The following PLXNC1 variants were observed in gnomAD, a reference collection of about 807,000 sequenced individuals.
PLXNC1 encodes plexin-C1.
A neutral mutation model predicts 178.2 loss-of-function variants in PLXNC1; 75 were observed. The observed-to-expected ratio is 0.42, with a 90% confidence interval of 0.35 to 0.51. PLXNC1 has a LOEUF of 0.51. Ranked by LOEUF, PLXNC1 falls within the 20% of genes least tolerant of loss-of-function variation. PLXNC1 has a pLI of 0.02. For missense variants in PLXNC1, 1,503 were observed against 1,984.4 expected, an observed-to-expected ratio of 0.76 and a Z score of 4.61; for synonymous variants, 790 against 779.9, an observed-to-expected ratio of 1.01 and a Z score of -0.22.
chr12:94,265,503 C>T (rs185110684), intron 21 of PLXNC1, among the ~76,000 whole-genome samples: 51 of 152,228 alleles, frequency 3.4e-4, no homozygotes, highest in Non-Finnish European at 5.7e-4. Context: ...CTTTCAGTGT[C>T]GTCAAAGGAA....
intron 21 of PLXNC1, among the ~76,000 whole-genome samples, chr12:94,273,058 A>T (rs1239279846): frequency 6.6e-6 from 1 of 152,166 alleles, no homozygotes; most frequent in Non-Finnish European, 1.5e-5. Context: ...ACATGCTTCT[A>T]AATCTCTCTG....
chr12:94,256,960 A>T (rs1489213723), intron 17 of PLXNC1, among the ~76,000 whole-genome samples: 1 of 152,180 alleles, frequency 6.6e-6, no homozygotes, highest in Non-Finnish European at 1.5e-5. Flanking sequence ...ATCTTGAAAA[A>T]CAACTGGGAA....
At chr12:94,284,828 T>G (rs1966729391) in intron 23 of PLXNC1, among the ~76,000 whole-genome samples, 1 of 152,148 alleles carries the variant, frequency 6.6e-6, no homozygotes, top group African/African-American at 2.4e-5. Context: ...GTTCTGAGTC[T>G]TATCCCAAGA....
intron 4 of PLXNC1, among the ~76,000 whole-genome samples, chr12:94,200,082 C>T (rs1963065101): frequency 6.6e-6 from 1 of 152,230 alleles, no homozygotes; most frequent in Non-Finnish European, 1.5e-5. Flanking sequence ...CGTGAGCCAC[C>T]ATGCCCAGCC....
intron 1 of PLXNC1, among the ~76,000 whole-genome samples, chr12:94,164,415 C>T (rs950878761): frequency 3.5e-5 from 5 of 143,512 alleles, no homozygotes; most frequent in Non-Finnish European, 3.0e-5. Context: ...CCGATGATGC[C>T]GCAAAAGCTG....
At chr12:94,194,198 CG>C (rs1178595718) in intron 4 of PLXNC1, among the ~76,000 whole-genome samples, 1 of 152,060 alleles carries the variant, frequency 6.6e-6, no homozygotes, top group Admixed American at 6.6e-5. Flanking sequence ...CTCACCATCA[CG>C]AAAACAGCAC....
rs968105838 is a variant in PLXNC1 at position 94,203,560 on chromosome 12, C to T, written c.1440-6030C>T. Among the ~76,000 whole-genome samples, 9 of 152,250 alleles carry T rather than the reference C, an allele frequency of 5.9e-5. 1 individual carries two copies. The highest frequency in any genetic ancestry group is 1.3e-4 in the Admixed American group (2 of 15,302). On this transcript the variant is annotated intron_variant, in intron 4 of 30. Coordinates refer to ENST00000258526, the MANE Select transcript of PLXNC1 (RefSeq NM_005761.3). Reference sequence around the variant, plus strand: ...GCTATTATGCTGGCATTTGTGATGTCGCTGCCCTGGAAGCCTTCAAAATTT... The same window carrying T: ...GCTATTATGCTGGCATTTGTGATGTTGCTGCCCTGGAAGCCTTCAAAATTT...
intron 21 of PLXNC1, chr12:94,277,783 A>G (rs902784554): frequency 7.7e-5 from 28 of 364,638 alleles, no homozygotes; most frequent in African/African-American, 3.8e-4. Flanking sequence ...TATTGCCGAT[A>G]CTATCATCAA....
intron 18 of PLXNC1, 28 bp downstream of exon 18, chr12:94,259,403 C>A: frequency 6.5e-7 from 1 of 1,541,392 alleles, no homozygotes; most frequent in Non-Finnish European, 8.8e-7. Context: ...CATTTTTAGC[C>A]CAGTGACTGC....
chr12:94,203,532 C>T (rs1214351949), intron 4 of PLXNC1, among the ~76,000 whole-genome samples: 1 of 152,210 alleles, frequency 6.6e-6, no homozygotes, highest in African/African-American at 2.4e-5. Flanking sequence ...GAAGAATCTA[C>T]TTGCTATTAT....
intron 10 of PLXNC1, among the ~76,000 whole-genome samples, chr12:94,238,124 C>T (rs1414704739): frequency 3.3e-5 from 5 of 152,122 alleles, no homozygotes; most frequent in Admixed American, 3.3e-4. Flanking sequence ...AAACATCATT[C>T]TTTAGGTGAT....
chr12:94,149,108 T>C lies in PLXNC1; in HGVS notation c.137T>C (p.Ile46Thr). ...CCCGTGTGGCGGTCGGAGCAAGCCATCGGAGCCATCGCGGCGAGCCAGGAG... is the reference window on the plus strand; with the variant it reads ...CCCGTGTGGCGGTCGGAGCAAGCCACCGGAGCCATCGCGGCGAGCCAGGAG... ...DEPVWRSEQA[I>T]GAIAASQEDG... Residue 46 changes from isoleucine (I) to threonine (T), a missense_variant, in exon 1 of 31, where the codon ATC becomes ACC. Physicochemically the swap from Ile to Thr is moderately conservative, Grantham distance 89. Around this residue, in one of 4 missense-constraint regions of PLXNC1, gnomAD observed 176 missense variants for 180.7 expected, o/e 0.97. Transcript: ENST00000258526. The C allele has an allele frequency of 6.3e-7, 1 of 1,585,726 alleles. No homozygotes were observed. The highest frequency in any genetic ancestry group is 8.5e-7 in the Non-Finnish European group (1 of 1,171,880).
rs190723534 is a variant in PLXNC1, at chr12:94,225,824, G to A, written c.1791-781G>A. Among the ~76,000 whole-genome samples the A allele has an allele frequency of 2.8e-4, 42 of 152,342 alleles. 2 individuals carry two copies. The highest frequency in any genetic ancestry group is 2.4e-3 in the Admixed American group (37 of 15,302). ...CCGTGTCTAGCTCACTTAGGTGGCC[G>A]GATCCACGCAAAAGCCAGTGTGTCC... On this transcript the variant is annotated intron_variant, in intron 7 of 30. Coordinates refer to ENST00000258526, the MANE Select transcript of PLXNC1 (RefSeq NM_005761.3).
Position 94,279,722 on chromosome 12 carries a change from C to A in PLXNC1, c.3775+73C>A, listed in dbSNP as rs186159285. ...CTCCCTGCCTGCCCTCCCTCCCTGT[C>A]CCCCCTCCCTGCCCCCACCAGCTTC... On this transcript the variant is annotated intron_variant, in intron 22 of 30. Coordinates refer to ENST00000258526, the MANE Select transcript of PLXNC1 (RefSeq NM_005761.3). 451 of 1,274,558 alleles carry A rather than the reference C, an allele frequency of 3.5e-4. 4 individuals carry two copies. The African/African-American group carries it at 8.4e-3, about 24-fold the overall frequency. 79.0% of individuals were successfully genotyped at this position (1,274,558 alleles called of 1,614,324 possible).
chr12:94,304,120 C>G (rs1439985679), intron 30 of PLXNC1, 69 bp downstream of exon 30: 7 of 1,017,702 alleles, frequency 6.9e-6, no homozygotes, highest in African/African-American at 1.6e-5. Flanking sequence ...AGCATTCTGT[C>G]AGTTTCAGAA....
Position 94,260,985 on chromosome 12 carries a change from CAGAG to C in PLXNC1, c.3450+150_3450+153del, listed in dbSNP as rs368037564. The stretch of plus-strand genomic sequence containing the variant: ...GTTTCGTCTTGGTCCTGACCCAGAA[CAGAG>C]AGAGGGAAAGTAAACATTGTTTTTG... On this transcript the variant is annotated intron_variant, in intron 20 of 30. Transcript: ENST00000258526. The surrounding 1 kb of genome is among the most constrained non-coding windows in gnomAD (Gnocchi z 4.4). The C allele has an allele frequency of 1.6e-4, 116 of 706,744 alleles. No homozygotes were observed. In the African/African-American group the frequency reaches 1.9e-3, roughly 12 times the overall value. 43.8% of individuals were successfully genotyped at this position (706,744 alleles called of 1,614,324 possible).
chr12:94,181,241 A>T (rs954414953), intron 2 of PLXNC1, among the ~76,000 whole-genome samples: 26 of 151,986 alleles, frequency 1.7e-4, no homozygotes, highest in African/African-American at 5.3e-4. Context: ...CTACTAAAAA[A>T]AATTAGCTGG....
intron 15 of PLXNC1, 22 bp downstream of exon 15, chr12:94,251,550 G>C (rs1565831466): frequency 6.8e-7 from 1 of 1,477,516 alleles, no homozygotes; most frequent in Non-Finnish European, 9.5e-7. Context: ...GTTTAATTTT[G>C]TCAGAGAAAT....
At chr12:94,245,315 G>T (rs1964496684) in intron 12 of PLXNC1, among the ~76,000 whole-genome samples, 1 of 152,174 alleles carries the variant, frequency 6.6e-6, no homozygotes, top group Admixed American at 6.5e-5. Context: ...ACATTTTGCT[G>T]GGTGCAGGGA....
Sources: allele counts gnomAD v4.1 joint callset (sites outside exome capture counted in the v4.1 genomes callset), GRCh38; gene constraint gnomAD v4.1.1; regional missense constraint gnomAD v4.1.1; non-coding constraint Gnocchi (gnomAD v3.1); transcripts MANE v1.5; gene names NCBI Gene and HGNC (gene_info 2026-07-23, HGNC 2026-07-21).